IL1RAPL1: variants seen among roughly 807,000 people sequenced by gnomAD.
IL1RAPL1 encodes the protein interleukin 1 receptor accessory protein like 1, also known as interleukin-1 receptor accessory protein-like 1.
IL1RAPL1 carries 3 observed loss-of-function variants against 48.4 expected under a neutral mutation model. That is an observed-to-expected ratio of 0.06 (90% CI 0.03 to 0.16). The LOEUF is 0.16. IL1RAPL1 is among the 10% of genes least tolerant of loss of function. IL1RAPL1 has a pLI of 1.00. For synonymous variants in IL1RAPL1, 185 were observed against 187.7 expected (o/e 0.99, Z 0.12); for missense variants, 349 against 530.6 (o/e 0.66, Z 3.36).
chrX:29,598,452 T>A (rs768357869), intron 5 of IL1RAPL1, among the ~76,000 whole-genome samples: 2 of 112,142 alleles, frequency 1.8e-5, no homozygotes, highest in Non-Finnish European at 3.8e-5. Context: ...TATTATGTGG[T>A]CTATCTTGGA....
chrX:28,961,038 T>C (rs1424890260), intron 2 of IL1RAPL1, among the ~76,000 whole-genome samples: 1 of 47,563 alleles, frequency 2.1e-5, no homozygotes, highest in South Asian at 9.2e-4. Flanking sequence ...AAAAAAAAAG[T>C]GTGGGTAATA....
chrX:29,314,104 C>T (rs778930679), intron 3 of IL1RAPL1, among the ~76,000 whole-genome samples: 2 of 111,780 alleles, frequency 1.8e-5, no homozygotes, highest in South Asian at 3.7e-4. Context: ...TCAAAACAAC[C>T]GCCATAATAG....
rs181872286 is a variant in IL1RAPL1, at chrX:29,542,613, T to A, written c.704-125817T>A. The stretch of plus-strand genomic sequence containing the variant: ...GAGTAACACATAGTTTAGCACTTAA[T>A]CTTTCTCTAATTATTTCCTACATGC... On this transcript the variant is annotated intron_variant, in intron 5 of 10. Transcript: ENST00000378993. Among the ~76,000 whole-genome samples, 4 of 112,086 alleles carry A rather than the reference T, an allele frequency of 3.6e-5. No homozygotes were observed. In the East Asian group the frequency reaches 1.1e-3, roughly 31 times the overall value.
chrX:29,339,110 A>ACACACACG (rs1182095639), intron 3 of IL1RAPL1, among the ~76,000 whole-genome samples: 1 of 109,313 alleles, frequency 9.1e-6, no homozygotes, highest in Non-Finnish European at 1.9e-5. Flanking sequence ...ACACACACAC[A>ACACACACG]CACGCACACA....
At chrX:29,380,624 C>T (rs1933684988) in intron 3 of IL1RAPL1, among the ~76,000 whole-genome samples, 2 of 112,068 alleles carry the variant, frequency 1.8e-5, no homozygotes, top group Non-Finnish European at 3.8e-5. Flanking sequence ...CACCACTGGC[C>T]TATAGTCTCA....
intron 6 of IL1RAPL1, among the ~76,000 whole-genome samples, chrX:29,914,444 A>C (rs1011225800): frequency 2.7e-5 from 3 of 111,494 alleles, no homozygotes; most frequent in Non-Finnish European, 5.6e-5. Context: ...ATTTACTAAA[A>C]TTGTAATGGA....
intron 2 of IL1RAPL1, among the ~76,000 whole-genome samples, chrX:29,245,594 A>T (rs1414668029): frequency 8.9e-6 from 1 of 111,849 alleles, no homozygotes; most frequent in East Asian, 2.8e-4. Flanking sequence ...GTATCTGTTC[A>T]TATCCTTTGC....
chrX:28,998,560 G>T (rs944550876), intron 2 of IL1RAPL1, among the ~76,000 whole-genome samples: 1 of 111,993 alleles, frequency 8.9e-6, no homozygotes, highest in Non-Finnish European at 1.9e-5. Context: ...TGCTTTTGCC[G>T]TTAAAATGTT....
At chrX:28,640,989 T>G (rs1291079375) in intron 1 of IL1RAPL1, among the ~76,000 whole-genome samples, 1 of 110,977 alleles carries the variant, frequency 9.0e-6, no homozygotes, top group East Asian at 2.8e-4. Flanking sequence ...TCTGACTTGG[T>G]GTCTCTAATA....
intron 2 of IL1RAPL1, among the ~76,000 whole-genome samples, chrX:28,835,729 T>C (rs1324977219): frequency 2.7e-5 from 3 of 111,152 alleles, no homozygotes; most frequent in Non-Finnish European, 5.7e-5. Context: ...ATCAAGTACA[T>C]GCAGTTTGGC....
chrX:29,017,219 G>A (rs1022926663), intron 2 of IL1RAPL1, among the ~76,000 whole-genome samples: 8 of 112,253 alleles, frequency 7.1e-5, no homozygotes, highest in Non-Finnish European at 1.1e-4. Context: ...GGAACATTCT[G>A]ATTGACTGGT....
intron 2 of IL1RAPL1, among the ~76,000 whole-genome samples, chrX:29,182,045 T>G (rs770332348): frequency 9.0e-6 from 1 of 111,135 alleles, no homozygotes; most frequent in Non-Finnish European, 1.9e-5. Flanking sequence ...AGCTTTAAGA[T>G]GGAGGGCGGT....
intron 5 of IL1RAPL1, among the ~76,000 whole-genome samples, chrX:29,640,473 G>A (rs1602341186): frequency 8.9e-6 from 1 of 112,181 alleles, no homozygotes; most frequent in African/African-American, 3.2e-5. Context: ...AAATAGCACT[G>A]CTTTGATGTC....
chrX:29,797,866 C>T (rs192666870), intron 6 of IL1RAPL1, among the ~76,000 whole-genome samples: 51 of 111,214 alleles, frequency 4.6e-4, no homozygotes, highest in African/African-American at 1.6e-3. Flanking sequence ...CAGCGAGACT[C>T]CATCTCAAAA....
intron 2 of IL1RAPL1, among the ~76,000 whole-genome samples, chrX:28,852,721 T>A (rs1343737311): frequency 9.0e-6 from 1 of 111,578 alleles, no homozygotes; most frequent in Non-Finnish European, 1.9e-5. Context: ...GGCATTTTCT[T>A]ATTGGACTTG....
At chrX:29,567,080 AAAAAT>A (rs756843550) in intron 5 of IL1RAPL1, among the ~76,000 whole-genome samples, 1 of 111,763 alleles carries the variant, frequency 8.9e-6, no homozygotes, top group East Asian at 2.8e-4. Flanking sequence ...TTCAGAACTG[AAAAAT>A]AAGAGTAGAG....
chrX:29,551,596 A>G (rs906177294), intron 5 of IL1RAPL1, among the ~76,000 whole-genome samples: 5 of 111,552 alleles, frequency 4.5e-5, no homozygotes, highest in Admixed American at 9.5e-5. Flanking sequence ...AATTGTTTAT[A>G]TTTAAGGTAT....
intron 1 of IL1RAPL1, among the ~76,000 whole-genome samples, chrX:28,746,895 A>T (rs1403744249): frequency 9.0e-6 from 1 of 111,150 alleles, no homozygotes; most frequent in Non-Finnish European, 1.9e-5. Context: ...ACCTAATTTT[A>T]TTCATTTTGC....
chrX:28,858,890 G>A (rs1158036339), intron 2 of IL1RAPL1, among the ~76,000 whole-genome samples: 1 of 112,318 alleles, frequency 8.9e-6, no homozygotes, highest in Non-Finnish European at 1.9e-5. Context: ...TTTGTTTGTT[G>A]TCTGCTCCCT....
Sources: allele counts gnomAD v4.1 joint callset (sites outside exome capture counted in the v4.1 genomes callset), GRCh38; gene constraint gnomAD v4.1.1; transcripts MANE v1.5; gene names NCBI Gene and HGNC (gene_info 2026-07-23, HGNC 2026-07-21).